BMERB1: variants seen among roughly 807,000 people sequenced by gnomAD.
The protein encoded by BMERB1 is bMERB domain containing 1, also known as bMERB domain-containing protein 1.
BMERB1 carries 12 observed loss-of-function variants against 23.6 expected under a neutral mutation model. The ratio of observed to expected loss-of-function variants is 0.51; its 90% confidence interval spans 0.33 to 0.82. The LOEUF is 0.82. Ranked by LOEUF, BMERB1 falls within the 40% of genes least tolerant of loss-of-function variation. The pLI, the probability that BMERB1 is intolerant of heterozygous loss-of-function variation, is 0.03. For missense variants in BMERB1, 247 were observed against 255.4 expected, an observed-to-expected ratio of 0.97 and a Z score of 0.22; for synonymous variants, 122 against 96.6, an observed-to-expected ratio of 1.26 and a Z score of -1.54.
chr16:15,465,086 A>G (rs1388534223), intron 1 of BMERB1, among the ~76,000 whole-genome samples: 1 of 152,158 alleles, frequency 6.6e-6, no homozygotes, highest in East Asian at 1.9e-4. Context: ...CTGAATCTGT[A>G]CATGTGATAA....
intron 1 of BMERB1, among the ~76,000 whole-genome samples, chr16:15,512,558 C>A (rs2051683058): frequency 6.6e-6 from 1 of 151,988 alleles, no homozygotes; most frequent in South Asian, 2.1e-4. Flanking sequence ...CAGTCTGGGC[C>A]ACATAGCGAG....
intron 1 of BMERB1, among the ~76,000 whole-genome samples, chr16:15,450,670 C>T (rs2051034228): frequency 6.6e-6 from 1 of 151,984 alleles, no homozygotes; most frequent in Non-Finnish European, 1.5e-5. Context: ...GGGGTTTTAC[C>T]ATGTTGTTGA....
At chr16:15,472,894 G>C (rs1291931017) in intron 1 of BMERB1, among the ~76,000 whole-genome samples, 2 of 126,802 alleles carry the variant, frequency 1.6e-5, no homozygotes, top group Non-Finnish European at 1.6e-5. Context: ...GTCTCGCTCT[G>C]TTGCCCAGGC....
chr16:15,545,657 G>A (rs1044562107), intron 2 of BMERB1, among the ~76,000 whole-genome samples: 2 of 152,134 alleles, frequency 1.3e-5, no homozygotes, highest in South Asian at 2.1e-4. Context: ...CCAGGAAGCC[G>A]CCATTGCTGG....
chr16:15,569,045 A>C lies in BMERB1; in HGVS notation c.304+989A>C, dbSNP rs941257363. Among the ~76,000 whole-genome samples, 48 of 151,974 alleles carry C rather than the reference A, an allele frequency of 3.2e-4. 1 individual carries two copies. The highest frequency in any genetic ancestry group is 1.1e-3 in the African/African-American group (44 of 41,388). On this transcript the variant is annotated intron_variant, in intron 3 of 5. Coordinates refer to ENST00000300006, the MANE Select transcript of BMERB1 (RefSeq NM_033201.3). ...AGCCTGGCAAACATGGTGAAACCCC[A>C]TCTCTAGTAAAAATATGAAAATTAG...
intron 5 of BMERB1, 99 bp downstream of exon 5, chr16:15,583,337 A>T: frequency 1.0e-6 from 1 of 988,740 alleles, no homozygotes; most frequent in Non-Finnish European, 1.6e-6. Flanking sequence ...CAGCACTATG[A>T]GAGGCCAAGG....
intron 2 of BMERB1, among the ~76,000 whole-genome samples, chr16:15,565,654 A>G (rs2030543304): frequency 6.6e-6 from 1 of 152,088 alleles, no homozygotes; most frequent in Admixed American, 6.6e-5. Flanking sequence ...TTCAAGACCA[A>G]CCTGGTAAAC....
At chr16:15,440,918 G>A (rs1466181318) in intron 1 of BMERB1, among the ~76,000 whole-genome samples, 1 of 152,148 alleles carries the variant, frequency 6.6e-6, no homozygotes, top group African/African-American at 2.4e-5. Flanking sequence ...ATAGGGAAGG[G>A]GTACTTTTCA....
chr16:15,543,903 A>G (rs2052108991), intron 2 of BMERB1, among the ~76,000 whole-genome samples: 1 of 152,216 alleles, frequency 6.6e-6, no homozygotes, highest in African/African-American at 2.4e-5. Context: ...TTCTTAAATG[A>G]AAATTAACTA....
At chr16:15,584,474 C>T (rs1036284311) in intron 5 of BMERB1, among the ~76,000 whole-genome samples, 13 of 150,504 alleles carry the variant, frequency 8.6e-5, no homozygotes, top group African/African-American at 2.2e-4. Flanking sequence ...AGGAGAATGG[C>T]GTGAACTGGG....
At chr16:15,574,118 G>C (rs904887396) in intron 3 of BMERB1, among the ~76,000 whole-genome samples, 1 of 151,082 alleles carries the variant, frequency 6.6e-6, no homozygotes, top group Non-Finnish European at 1.5e-5. Flanking sequence ...TACAATCATG[G>C]TGGAAGGTGA....
At chr16:15,481,880 A>G (rs560774661) in intron 1 of BMERB1, among the ~76,000 whole-genome samples, 10 of 151,238 alleles carry the variant, frequency 6.6e-5, no homozygotes, top group African/African-American at 2.4e-4. Flanking sequence ...GCCTGCCACC[A>G]TGCCCGGCAA....
chr16:15,457,279 G>A lies in BMERB1; in HGVS notation c.106+22520G>A, dbSNP rs559205995. 1.6e-4 allele frequency among the ~76,000 whole-genome samples: 24 copies of A among 152,254 alleles called. No homozygotes were observed. The South Asian group carries it at 4.4e-3, about 28-fold the overall frequency. On this transcript the variant is annotated intron_variant, in intron 1 of 5. Transcript: ENST00000300006. The stretch of plus-strand genomic sequence containing the variant: ...TAACTTGAGGAAGAAAGAAAATATC[G>A]TAATTCAAATGATACTGTGGAAAAA...
At chr16:15,463,746 C>T (rs1475991238) in intron 1 of BMERB1, among the ~76,000 whole-genome samples, 2 of 152,148 alleles carry the variant, frequency 1.3e-5, no homozygotes, top group African/African-American at 2.4e-5. Context: ...ATCCCCACCC[C>T]AGCTCCTGCT....
chr16:15,478,713 C>A (rs2051293331), intron 1 of BMERB1, among the ~76,000 whole-genome samples: 1 of 152,162 alleles, frequency 6.6e-6, no homozygotes, highest in Non-Finnish European at 1.5e-5. Flanking sequence ...CACCTTAGCA[C>A]AAGAAGGCAG....
At chr16:15,561,522 G>A (rs2030421740) in intron 2 of BMERB1, among the ~76,000 whole-genome samples, 1 of 151,858 alleles carries the variant, frequency 6.6e-6, no homozygotes, top group African/African-American at 2.4e-5. Context: ...TTCCACCTCG[G>A]CCTCCCAAAG....
chr16:15,463,940 A>G (rs1463852314), intron 1 of BMERB1, among the ~76,000 whole-genome samples: 1 of 152,196 alleles, frequency 6.6e-6, no homozygotes, highest in Non-Finnish European at 1.5e-5. Flanking sequence ...CCAGACTGCA[A>G]GAGAGGGCTC....
chr16:15,507,372 G>C (rs1256507555), intron 1 of BMERB1, among the ~76,000 whole-genome samples: 2 of 152,148 alleles, frequency 1.3e-5, no homozygotes, highest in Admixed American at 1.3e-4. Flanking sequence ...TGGTGCCACC[G>C]CTCAGGAAGC....
At chr16:15,452,102 A>C (rs1237865781) in intron 1 of BMERB1, among the ~76,000 whole-genome samples, 1 of 151,688 alleles carries the variant, frequency 6.6e-6, no homozygotes, top group African/African-American at 2.4e-5. Flanking sequence ...CAACACAGGG[A>C]GATCCCATCT....
Sources: allele counts gnomAD v4.1 joint callset (sites outside exome capture counted in the v4.1 genomes callset), GRCh38; gene constraint gnomAD v4.1.1; transcripts MANE v1.5; gene names NCBI Gene and HGNC (gene_info 2026-07-23, HGNC 2026-07-21).